Variants in ZNF407 observed in about 807,000 individuals in gnomAD.
ZNF407 encodes zinc finger protein 407.
In ZNF407, 17 loss-of-function variants were observed where a neutral mutation model predicts 131.2. That is an observed-to-expected ratio of 0.13 (90% CI 0.09 to 0.19). The LOEUF (loss-of-function observed/expected upper bound fraction) is 0.19, where lower values mean the gene tolerates loss of function less well. Ranked by LOEUF, ZNF407 falls within the 10% of genes least tolerant of loss-of-function variation. ZNF407 has a pLI of 1.00. For synonymous variants in ZNF407, 1,156 were observed against 1,062.0 expected, an observed-to-expected ratio of 1.09 and a Z score of -1.72; for missense variants, 2,681 against 2,830.6, an observed-to-expected ratio of 0.95 and a Z score of 1.20.
intron 8 of ZNF407, among the ~76,000 whole-genome samples, chr18:74,954,854 G>A (rs12455251): frequency 0.52 from 78,834 of 152,002 alleles, 23,272 homozygotes; most frequent in African/African-American, 0.81. Context: ...AGTACTTGAC[G>A]AAGGAAATAA....
At chr18:74,763,802 C>T (rs1327434552) in intron 3 of ZNF407, among the ~76,000 whole-genome samples, 24 of 149,028 alleles carry the variant, frequency 1.6e-4, no homozygotes, top group Non-Finnish European at 2.8e-4. Context: ...CTCTGCCTCC[C>T]GGGTTCACGC....
intron 8 of ZNF407, among the ~76,000 whole-genome samples, chr18:75,058,050 A>C (rs1203688797): frequency 6.6e-6 from 1 of 152,236 alleles, no homozygotes; most frequent in East Asian, 1.9e-4. Context: ...GGAGTCAGGT[A>C]CGCAGCCCTG....
At chr18:74,681,902 A>G (rs1286591459) in intron 3 of ZNF407, among the ~76,000 whole-genome samples, 3 of 152,206 alleles carry the variant, frequency 2.0e-5, no homozygotes, top group Non-Finnish European at 4.4e-5. Flanking sequence ...AATCACAAAC[A>G]TTCAAAAGGG....
chr18:74,763,283 A>G (rs1235960920), intron 3 of ZNF407, among the ~76,000 whole-genome samples: 1 of 139,742 alleles, frequency 7.2e-6, no homozygotes, highest in African/African-American at 2.7e-5. Flanking sequence ...TCTATTTAAA[A>G]AATTGTGTTG....
At chr18:74,937,094 G>A (rs183061135) in intron 8 of ZNF407, among the ~76,000 whole-genome samples, 1 of 152,266 alleles carries the variant, frequency 6.6e-6, no homozygotes, top group Non-Finnish European at 1.5e-5. Flanking sequence ...AGTGAAAGGT[G>A]CTTTAGGAAA....
At chr18:74,719,500 C>T (rs1004051817) in intron 3 of ZNF407, among the ~76,000 whole-genome samples, 2 of 152,144 alleles carry the variant, frequency 1.3e-5, no homozygotes, top group African/African-American at 4.8e-5. Context: ...CCCGGGTTCA[C>T]GCCATTCTCC....
intron 8 of ZNF407, among the ~76,000 whole-genome samples, chr18:75,008,667 T>C (rs1397024806): frequency 6.6e-6 from 1 of 152,242 alleles, no homozygotes; most frequent in Non-Finnish European, 1.5e-5. Flanking sequence ...ACTTAATCAT[T>C]TGTTTTTAAG....
At chr18:74,797,712 G>A (rs138913479) in intron 4 of ZNF407, among the ~76,000 whole-genome samples, 1 of 152,112 alleles carries the variant, frequency 6.6e-6, no homozygotes, top group African/African-American at 2.4e-5. Flanking sequence ...ATTATTAAAG[G>A]TTCAGGTTTC....
At chr18:74,850,433 C>T (rs138803327) in intron 4 of ZNF407, among the ~76,000 whole-genome samples, 1 of 152,124 alleles carries the variant, frequency 6.6e-6, no homozygotes, top group African/African-American at 2.4e-5. Context: ...TCTGTCTGTT[C>T]TATCCACGCA....
intron 5 of ZNF407, among the ~76,000 whole-genome samples, chr18:74,878,103 C>T (rs1011350518): frequency 3.9e-5 from 6 of 152,094 alleles, no homozygotes; most frequent in Admixed American, 3.3e-4. Context: ...ATGTAAATCC[C>T]AGTAAGACCC....
chr18:75,029,479 C>A (rs1446499171), intron 8 of ZNF407, among the ~76,000 whole-genome samples: 1 of 152,198 alleles, frequency 6.6e-6, no homozygotes. Context: ...TTTGTCAGGG[C>A]AGGATGGGTG....
At chr18:74,962,271 A>G (rs1972354427) in intron 8 of ZNF407, among the ~76,000 whole-genome samples, 1 of 152,164 alleles carries the variant, frequency 6.6e-6, no homozygotes, top group South Asian at 2.1e-4. Flanking sequence ...GTTTTACTGT[A>G]TTTACTCAGG....
At chr18:74,838,916 A>T (rs1970594443) in intron 4 of ZNF407, among the ~76,000 whole-genome samples, 1 of 152,106 alleles carries the variant, frequency 6.6e-6, no homozygotes. Context: ...TCTAGGAGTT[A>T]TCTATTTTTA....
chr18:74,851,561 A>C (rs1032277067), intron 4 of ZNF407, among the ~76,000 whole-genome samples: 1 of 152,204 alleles, frequency 6.6e-6, no homozygotes, highest in Non-Finnish European at 1.5e-5. Flanking sequence ...GGTGTGGAGC[A>C]TGGCAATTGG....
At chr18:74,857,471 A>C (rs760886993) in intron 4 of ZNF407, among the ~76,000 whole-genome samples, 25 of 152,284 alleles carry the variant, frequency 1.6e-4, no homozygotes, top group Non-Finnish European at 4.4e-5. Context: ...GTTAGGTGCT[A>C]GGCACTAGGC....
At chr18:74,868,441 C>G (rs917239457) in intron 4 of ZNF407, among the ~76,000 whole-genome samples, 1 of 151,880 alleles carries the variant, frequency 6.6e-6, no homozygotes, top group African/African-American at 2.4e-5. Context: ...AAAGCAAGCA[C>G]GAAGAATGAT....
chr18:75,023,183 G>C (rs564509851), intron 8 of ZNF407, among the ~76,000 whole-genome samples: 1 of 152,084 alleles, frequency 6.6e-6, no homozygotes, highest in Non-Finnish European at 1.5e-5. Context: ...CTGAAGTAGG[G>C]GGGCAGGGAG....
Position 74,635,256 on chromosome 18 carries a change from C to T in ZNF407, c.4237C>T (p.Arg1413Ter), listed in dbSNP as rs1351875534. The change falls in exon 2 of 9, where the codon CGA becomes TGA. Residue 1413 changes from arginine to a stop codon, truncating the protein, a stop_gained. Transcript: ENST00000299687. LOFTEE classifies it high-confidence loss of function. This position sits in a 1 kb window ranked among gnomAD's most constrained non-coding sequence, Gnocchi z 4.7. ...SEGSSIGEST[R>*]IRCDDCGFLA... ...GGGCAGTTCCATTGGTGAGTCTACA[C>T]GAATTCGCTGTGATGATTGTGGCTT... 1 of 1,613,862 alleles carries T rather than the reference C, an allele frequency of 6.2e-7. No individual in the cohort carries two copies. The highest frequency in any genetic ancestry group is 8.5e-7 in the Non-Finnish European group (1 of 1,179,892).
intron 4 of ZNF407, among the ~76,000 whole-genome samples, chr18:74,794,763 C>A (rs1051642846): frequency 4.6e-5 from 7 of 152,000 alleles, no homozygotes; most frequent in Non-Finnish European, 1.0e-4. Flanking sequence ...TTTCATAGTT[C>A]TTTGGTAAAG....
Sources: gnomAD v4.1 joint callset for allele counts (sites outside exome capture counted in the v4.1 genomes callset) on GRCh38, gnomAD v4.1.1 for gene constraint, Gnocchi (gnomAD v3.1) non-coding constraint, MANE v1.5 for transcripts, NCBI Gene and HGNC (gene_info 2026-07-23, HGNC 2026-07-21) for gene names.